Variants in DCTN5 observed in about 807,000 individuals in gnomAD.
DCTN5 encodes the protein dynactin 4.
A neutral mutation model predicts 23.5 loss-of-function variants in DCTN5; 14 were observed. That is an observed-to-expected ratio of 0.60 (90% CI 0.39 to 0.93). The LOEUF (loss-of-function observed/expected upper bound fraction) is 0.93, where lower values mean the gene tolerates loss of function less well. Among genes scored for constraint, DCTN5 ranks in the 40% least tolerant of loss-of-function variants. The pLI is 0.00. For missense variants in DCTN5, 156 were observed against 225.9 expected (o/e 0.69, Z 1.98); for synonymous variants, 67 against 79.6 (o/e 0.84, Z 0.84).
chr16:23,665,785 C>T (rs1421295652), intron 5 of DCTN5, 57 bp downstream of exon 5: 1 of 1,446,398 alleles, frequency 6.9e-7, no homozygotes, highest in Non-Finnish European at 9.6e-7. Flanking sequence ...GTTGTATTTT[C>T]CATCGCAAAA....
chr16:23,650,265 G>A (rs1273350500), intron 2 of DCTN5, among the ~76,000 whole-genome samples: 2 of 152,154 alleles, frequency 1.3e-5, no homozygotes, highest in Non-Finnish European at 2.9e-5. Flanking sequence ...CATTGAGTCT[G>A]TAGACTGCTT....
chr16:23,643,188 T>G (rs703769), intron 2 of DCTN5, among the ~76,000 whole-genome samples, 165 bp downstream of exon 2: 29,254 of 151,452 alleles, frequency 0.19, 3,109 homozygotes, highest in East Asian at 0.43. Context: ...TCCTTTTTGT[T>G]TTTTTTTTGT....
At chr16:23,665,544 G>T in intron 4 of DCTN5, 82 bp from the exon 5 acceptor site, 1 of 1,308,260 alleles carries the variant, frequency 7.6e-7, no homozygotes, top group African/African-American at 1.5e-5. Flanking sequence ...GCTATTACAT[G>T]GTATCATGAA....
chr16:23,653,174 T>C (rs2140979151), intron 2 of DCTN5, among the ~76,000 whole-genome samples: 1 of 152,236 alleles, frequency 6.6e-6, no homozygotes, highest in African/African-American at 2.4e-5. Flanking sequence ...ATCAGTGTAA[T>C]TGGGATACTC....
intron 2 of DCTN5, among the ~76,000 whole-genome samples, chr16:23,648,451 G>C (rs1184604207): frequency 6.7e-6 from 1 of 149,638 alleles, no homozygotes; most frequent in Non-Finnish European, 1.5e-5. Context: ...CTTGGTTGAA[G>C]TGATTCTCAT....
At chr16:23,648,506 T>C (rs1221183183) in intron 2 of DCTN5, among the ~76,000 whole-genome samples, 1 of 151,846 alleles carries the variant, frequency 6.6e-6, no homozygotes, top group Non-Finnish European at 1.5e-5. Flanking sequence ...CACACCACCA[T>C]GTCTGGCTAA....
chr16:23,642,889 A>G, intron 1 of DCTN5, 66 bp from the exon 2 acceptor site: 1 of 1,430,196 alleles, frequency 7.0e-7, no homozygotes, highest in Non-Finnish European at 9.9e-7. Flanking sequence ...AGCTTTCTTG[A>G]TGGAAACCTG....
intron 2 of DCTN5, among the ~76,000 whole-genome samples, chr16:23,656,525 T>C (rs1967707164): frequency 6.6e-6 from 1 of 152,192 alleles, no homozygotes; most frequent in African/African-American, 2.4e-5. Context: ...AGTTGAATTC[T>C]CCAGCTGCTG....
chr16:23,675,514 A>C lies in DCTN5; in HGVS notation c.*8370A>C, dbSNP rs1018568429. ...GACCATATCTCAAAAAAAAAAAAAA[A>C]AAAGTTTATCTACAAAAATGCTTTT... is the stretch of plus-strand genomic sequence containing the variant. On this transcript the variant is annotated 3_prime_UTR_variant, in exon 6 of 6. Coordinates refer to ENST00000300087, the MANE Select transcript of DCTN5 (RefSeq NM_032486.4). 1 of 152,216 alleles carries C rather than the reference A, an allele frequency of 6.6e-6. No homozygotes were observed. Among genetic ancestry groups the C allele is most frequent in the Non-Finnish European group, 1.5e-5 (1 of 68,044 alleles). 9.4% of individuals were successfully genotyped at this position (152,216 alleles called of 1,614,324 possible). A position where few individuals can be genotyped will look rare whatever the true frequency, so the allele number is the denominator to read the frequency against.
intron 2 of DCTN5, among the ~76,000 whole-genome samples, chr16:23,655,448 A>G (rs769203662): frequency 6.6e-5 from 10 of 152,008 alleles, no homozygotes; most frequent in Non-Finnish European, 1.2e-4. Flanking sequence ...AAGTGGCACT[A>G]TCATAGCTCA....
intron 2 of DCTN5, among the ~76,000 whole-genome samples, chr16:23,645,153 A>C (rs1352968857): frequency 2.5e-5 from 1 of 39,394 alleles, no homozygotes; most frequent in Non-Finnish European, 5.1e-5. Flanking sequence ...TTTTTTTTTA[A>C]TACGCAGTTT....
In DCTN5 at chr16:23,671,474, T is replaced by C. The variant is rs1968006496; in HGVS notation, c.*4330T>C. The C allele has an allele frequency of 6.6e-6, 1 of 152,212 alleles. No individual in the cohort carries two copies. Among genetic ancestry groups the C allele is most frequent in the Admixed American group, 6.5e-5 (1 of 15,282 alleles). The allele number at this position is 152,212 out of a possible 1,614,324, so 9.4% of individuals were successfully genotyped here. Reference sequence around the variant, plus strand: ...AGAAATCACCCTTCCTTGTTTTGTATCTATGGGGTGCAAACATTTAATCCT... The same window carrying C: ...AGAAATCACCCTTCCTTGTTTTGTACCTATGGGGTGCAAACATTTAATCCT... On this transcript the variant is annotated 3_prime_UTR_variant, in exon 6 of 6. Transcript: ENST00000300087.
chr16:23,666,736 G>A, intron 5 of DCTN5: 2 of 468,580 alleles, frequency 4.3e-6, no homozygotes, highest in South Asian at 8.1e-5. Flanking sequence ...CATTGAATCT[G>A]AGTTTCTAAG....
At position 23,658,626 on chromosome 16, in the gene DCTN5, G is replaced by T. The variant is rs763915320; in HGVS notation, c.236+1G>T. 5 of 1,611,270 alleles carry T rather than the reference G, an allele frequency of 3.1e-6. No homozygotes were observed. The highest frequency in any genetic ancestry group is 1.7e-5 in the Admixed American group (1 of 60,014). The stretch of plus-strand genomic sequence containing the variant: ...CACCATTCAAGAAGTTCAGCAAAGG[G>T]TATGTAATTTAATTACTTTGTTCAA... On this transcript the variant is annotated splice_donor_variant, in intron 3 of 5. Coordinates refer to ENST00000300087, the MANE Select transcript of DCTN5 (RefSeq NM_032486.4). LOFTEE classifies it high-confidence loss of function.
chr16:23,661,009 T>C (rs916994773), intron 3 of DCTN5, among the ~76,000 whole-genome samples, 161 bp from the exon 4 acceptor site: 1 of 152,254 alleles, frequency 6.6e-6, no homozygotes, highest in Non-Finnish European at 1.5e-5. Context: ...ATATTCATTT[T>C]CTTCAATATT....
At chr16:23,666,804 A>G (rs1967914997) in intron 5 of DCTN5, 3 of 559,828 alleles carry the variant, frequency 5.4e-6, no homozygotes, top group Admixed American at 6.7e-5. Flanking sequence ...CTACCGTGTC[A>G]TGCATCTCTG....
At chr16:23,651,414 C>A (rs897108582) in intron 2 of DCTN5, among the ~76,000 whole-genome samples, 5 of 152,212 alleles carry the variant, frequency 3.3e-5, no homozygotes, top group Admixed American at 6.5e-5. Flanking sequence ...ACCTGTGATA[C>A]AATTTACTTC....
rs1243079799 is a variant in DCTN5 at position 23,671,756 on chromosome 16, G to C, written c.*4612G>C. The C allele has an allele frequency of 2.0e-5, 3 of 152,268 alleles. No individual in the cohort carries two copies. In the East Asian group the frequency reaches 5.8e-4, roughly 29 times the overall value. 9.4% of individuals were successfully genotyped at this position (152,268 alleles called of 1,614,324 possible). A position where few individuals can be genotyped will look rare whatever the true frequency, so the allele number is the denominator to read the frequency against. ...CCCTTGCTCTCCTGAAGCTTTTGCTGGTGGGCCAGCCCCACCTGCTTTCCT... is the reference window on the plus strand; with the variant it reads ...CCCTTGCTCTCCTGAAGCTTTTGCTCGTGGGCCAGCCCCACCTGCTTTCCT... On this transcript the variant is annotated 3_prime_UTR_variant, in exon 6 of 6. Coordinates refer to ENST00000300087, the MANE Select transcript of DCTN5 (RefSeq NM_032486.4).
chr16:23,647,373 G>A (rs1967489559), intron 2 of DCTN5, among the ~76,000 whole-genome samples: 1 of 152,116 alleles, frequency 6.6e-6, no homozygotes, highest in African/African-American at 2.4e-5. Context: ...GCCTACCAAA[G>A]TAGTGGGATT....
Sources: gnomAD v4.1 joint callset for allele counts (sites outside exome capture counted in the v4.1 genomes callset) on GRCh38, gnomAD v4.1.1 for gene constraint, MANE v1.5 for transcripts, NCBI Gene and HGNC (gene_info 2026-07-23, HGNC 2026-07-21) for gene names.